The following PCDHGA5 variants were observed in gnomAD, a reference collection of about 807,000 sequenced individuals.
The protein encoded by PCDHGA5 is protocadherin gamma subfamily A, 5.
Under a neutral mutation model 56.7 loss-of-function variants are expected in PCDHGA5, and 36 were observed. The ratio of observed to expected loss-of-function variants is 0.64; its 90% CI spans 0.49 to 0.84. The LOEUF is 0.84. Ranked by LOEUF, PCDHGA5 falls within the 40% of genes least tolerant of loss-of-function variation. The pLI is 0.00. For missense variants in PCDHGA5, 1,305 were observed against 1,201.5 expected, an observed-to-expected ratio of 1.09 and a Z score of -1.27; for synonymous variants, 563 against 520.2, an observed-to-expected ratio of 1.08 and a Z score of -1.12.
At position 141,379,889 on chromosome 5, in the gene PCDHGA5, C is replaced by CTTTTTTTTTTTTTTTTTTTTT. The variant is rs70988800; in HGVS notation, c.2421+13148_2421+13168dup. The stretch of plus-strand genomic sequence containing the variant: ...CTTATTTTATGGTCTGTGAAAGCCT[C>CTTTTTTTTTTTTTTTTTTTTT]TTTTTTTTTTTTTTTTTTTTTTTTT... On this transcript the variant is annotated intron_variant, in intron 1 of 3. Coordinates refer to ENST00000518069, the MANE Select transcript of PCDHGA5 (RefSeq NM_018918.3). Among the ~76,000 whole-genome samples, 100 of 50,832 alleles carry CTTTTTTTTTTTTTTTTTTTTT rather than the reference C, an allele frequency of 2.0e-3. 11 individuals are homozygous for CTTTTTTTTTTTTTTTTTTTTT. The highest frequency in any genetic ancestry group is 2.9e-3 in the Non-Finnish European group (74 of 25,884). 33.3% of individuals were successfully genotyped at this position (50,832 alleles called of 152,430 possible).
intron 1 of PCDHGA5, chr5:141,417,757 G>A: frequency 7.0e-7 from 1 of 1,435,144 alleles, no homozygotes; most frequent in Non-Finnish European, 9.2e-7. Flanking sequence ...CCAGCTCCGA[G>A]ACCCGGGACT....
intron 1 of PCDHGA5, chr5:141,414,594 C>T: frequency 1.2e-6 from 2 of 1,613,952 alleles, no homozygotes; most frequent in Non-Finnish European, 1.7e-6. Flanking sequence ...CCAGGGGTGC[C>T]TCCATCTTCT....
At chr5:141,385,495 T>G in intron 1 of PCDHGA5, 1 of 1,391,982 alleles carries the variant, frequency 7.2e-7, no homozygotes, top group Non-Finnish European at 9.3e-7. Flanking sequence ...ACATAGGATA[T>G]AGTATTTCTT....
At chr5:141,386,302 C>T (rs1192647200) in intron 1 of PCDHGA5, among the ~76,000 whole-genome samples, 1 of 152,174 alleles carries the variant, frequency 6.6e-6, no homozygotes, top group Non-Finnish European at 1.5e-5. Flanking sequence ...TTTAGTAAAG[C>T]TCAGTATATC....
rs2099623095 is a variant in PCDHGA5 at position 141,486,025 on chromosome 5, T to C, written c.2422-8782T>C. 1 of 1,613,958 alleles carries C rather than the reference T, an allele frequency of 6.2e-7. No individual in the cohort carries two copies. The highest frequency in any genetic ancestry group is 8.5e-7 in the Non-Finnish European group (1 of 1,179,932). The stretch of plus-strand genomic sequence containing the variant: ...ACGTCACCTTTTATTTCAGTGGTCA[T>C]ACCCCTGATCGTGTAAGAAACCTCT... On this transcript the variant is annotated intron_variant, in intron 1 of 3. Transcript: ENST00000518069. The surrounding 1 kb of genome is among the most constrained non-coding windows in gnomAD (Gnocchi z 5.0).
chr5:141,421,071 A>G (rs1197006989), intron 1 of PCDHGA5: 1 of 608,760 alleles, frequency 1.6e-6, no homozygotes, highest in East Asian at 2.9e-5. Flanking sequence ...GCGGAATGAG[A>G]TGGATACTCA....
chr5:141,487,595 G>C lies in PCDHGA5; in HGVS notation c.2422-7212G>C. ...TGTTCGCCCAAGCTGCCCACCCTCT[G>C]ATCTTCTCTATGGGCTAGAGGTGAG... On this transcript the variant is annotated intron_variant, in intron 1 of 3. Coordinates refer to ENST00000518069, the MANE Select transcript of PCDHGA5 (RefSeq NM_018918.3). The surrounding 1 kb of genome is among the most constrained non-coding windows in gnomAD (Gnocchi z 5.0). 1 of 1,614,202 alleles carries C rather than the reference G, an allele frequency of 6.2e-7. No homozygotes were observed. The highest frequency in any genetic ancestry group is 8.5e-7 in the Non-Finnish European group (1 of 1,180,038).
rs749995138 is a variant in PCDHGA5 at position 141,408,745 on chromosome 5, G to A, written c.2421+41994G>A. The A allele has an allele frequency of 3.7e-6, 6 of 1,609,862 alleles. No homozygotes were observed. In the African/African-American group the frequency reaches 4.0e-5, roughly 11 times the overall value. ...ACTCTAATCCTTATTTTTCATTAAT[G>A]GTTAGAGTTAATTCCGATGGTGGCA... On this transcript the variant is annotated intron_variant, in intron 1 of 3. Transcript: ENST00000518069.
rs760714983 is a variant in PCDHGA5 at position 141,389,956 on chromosome 5, T to C, written c.2421+23205T>C. 12 of 1,614,040 alleles carry C rather than the reference T, an allele frequency of 7.4e-6. No homozygotes were observed. In the South Asian group the frequency reaches 7.7e-5, roughly 10 times the overall value. ...CAGGCTGAGCTGCAGTTTTACCTAG[T>C]GGTGGCCTTGGCCTTGATCTCAGTG... is the stretch of plus-strand genomic sequence containing the variant. On this transcript the variant is annotated intron_variant, in intron 1 of 3. Coordinates refer to ENST00000518069, the MANE Select transcript of PCDHGA5 (RefSeq NM_018918.3).
Position 141,410,405 on chromosome 5 carries a change from T to C in PCDHGA5, c.2421+43654T>C, listed in dbSNP as rs777544150. ...CTTCCATCCTGGTCTCTGTGTCAAGTCTGGACCTGTAGTTCCCCCCAACTA... is the reference window on the plus strand; with the variant it reads ...CTTCCATCCTGGTCTCTGTGTCAAGCCTGGACCTGTAGTTCCCCCCAACTA... On this transcript the variant is annotated intron_variant, in intron 1 of 3. Transcript: ENST00000518069. 2.2e-5 allele frequency: 35 copies of C among 1,613,948 alleles called. 1 individual carries two copies. In the East Asian group the frequency reaches 7.8e-4, roughly 36 times the overall value.
At chr5:141,367,065 T>C (rs1054536052) in intron 1 of PCDHGA5, 27 of 305,946 alleles carry the variant, frequency 8.8e-5, no homozygotes, top group African/African-American at 6.0e-4. Context: ...TTTTATTTAT[T>C]CAAATTGTTA....
chr5:141,383,795 G>A (rs376874310), intron 1 of PCDHGA5: 12 of 1,613,822 alleles, frequency 7.4e-6, no homozygotes, highest in East Asian at 4.5e-5. Flanking sequence ...TCGCTTACAG[G>A]AGAAATATCA....
chr5:141,427,810 G>T, intron 1 of PCDHGA5: 1 of 1,523,990 alleles, frequency 6.6e-7, no homozygotes, highest in Non-Finnish European at 9.0e-7. Flanking sequence ...AGCGCACAGA[G>T]CGGGGTGGTG....
In PCDHGA5 at chr5:141,491,552, G is replaced by A. The variant is rs769927075; in HGVS notation, c.2422-3255G>A. 1 of 1,614,008 alleles carries A rather than the reference G, an allele frequency of 6.2e-7. No individual in the cohort carries two copies. The highest frequency in any genetic ancestry group is 1.7e-5 in the Admixed American group (1 of 60,024). On this transcript the variant is annotated intron_variant, in intron 1 of 3. Coordinates refer to ENST00000518069, the MANE Select transcript of PCDHGA5 (RefSeq NM_018918.3). This position sits in a 1 kb window ranked among gnomAD's most constrained non-coding sequence, Gnocchi z 6.9. Reference sequence around the variant, plus strand: ...ACGCTGCGGCCCACAGACTCGCAGAGCCACTGCTACAGGACGTGCTTTTCA... The same window carrying A: ...ACGCTGCGGCCCACAGACTCGCAGAACCACTGCTACAGGACGTGCTTTTCA...
chr5:141,454,010 G>A (rs998092071), intron 1 of PCDHGA5, among the ~76,000 whole-genome samples: 2 of 152,146 alleles, frequency 1.3e-5, no homozygotes, highest in African/African-American at 4.8e-5. Context: ...TAACATTTTA[G>A]AAAAATGTAT....
chr5:141,481,835 C>T (rs892868552), intron 1 of PCDHGA5, among the ~76,000 whole-genome samples: 5 of 149,932 alleles, frequency 3.3e-5, no homozygotes, highest in Non-Finnish European at 7.4e-5. Flanking sequence ...GCAGGAGAAT[C>T]GCTTGATGGT....
chr5:141,372,534 C>A (rs752225423), intron 1 of PCDHGA5: 49 of 1,613,884 alleles, frequency 3.0e-5, no homozygotes, highest in Non-Finnish European at 4.0e-5. Context: ...AATCTCCCTG[C>A]GCCTGCGATG....
At chr5:141,492,548 C>A (rs1028674110) in intron 1 of PCDHGA5, among the ~76,000 whole-genome samples, 1 of 152,218 alleles carries the variant, frequency 6.6e-6, no homozygotes, top group Non-Finnish European at 1.5e-5. Flanking sequence ...TGGGCCGGGT[C>A]GCCTGGGGGG....
At chr5:141,449,280 C>G (rs934214922) in intron 1 of PCDHGA5, among the ~76,000 whole-genome samples, 1 of 151,944 alleles carries the variant, frequency 6.6e-6, no homozygotes, top group East Asian at 1.9e-4. Context: ...CTCCTTCACC[C>G]GGATGCACCG....
Sources: gnomAD v4.1 joint callset for allele counts (sites outside exome capture counted in the v4.1 genomes callset) on GRCh38, gnomAD v4.1.1 for gene constraint, Gnocchi (gnomAD v3.1) non-coding constraint, MANE v1.5 for transcripts, NCBI Gene and HGNC (gene_info 2026-07-23, HGNC 2026-07-21) for gene names.